TBC1D22B: variants seen among roughly 807,000 people sequenced by gnomAD.
The protein encoded by TBC1D22B is TBC1 domain family member 22B, also known as chromosome 6 open reading frame 197.
A neutral mutation model predicts 69.1 loss-of-function variants in TBC1D22B; 32 were observed. The observed-to-expected ratio is 0.46, with a 90% CI of 0.35 to 0.62. TBC1D22B has a LOEUF of 0.62. Ranked by LOEUF, TBC1D22B falls within the 20% of genes least tolerant of loss-of-function variation. The probability of loss-of-function intolerance (pLI) is 0.00; values close to 1 mark genes in which losing one functional copy is unlikely to be tolerated. For synonymous variants in TBC1D22B, 206 were observed against 229.8 expected, an observed-to-expected ratio of 0.90 and a Z score of 0.94; for missense variants, 462 against 630.9, an observed-to-expected ratio of 0.73 and a Z score of 2.87.
chr6:37,321,903 C>T (rs1768255641), intron 12 of TBC1D22B, among the ~76,000 whole-genome samples: 1 of 152,120 alleles, frequency 6.6e-6, no homozygotes, highest in Non-Finnish European at 1.5e-5. Flanking sequence ...TGGGTGTGTA[C>T]TTATGTAAAA....
chr6:37,326,376 C>CAA (rs10651731), intron 12 of TBC1D22B, among the ~76,000 whole-genome samples: 68,082 of 115,396 alleles, frequency 0.59, 19,260 homozygotes, highest in East Asian at 0.76. Flanking sequence ...GACTGCGCCT[C>CAA]AAAAAAAAAA....
At chr6:37,277,557 C>A (rs1766704732) in intron 2 of TBC1D22B, among the ~76,000 whole-genome samples, 1 of 151,398 alleles carries the variant, frequency 6.6e-6, no homozygotes, top group East Asian at 2.0e-4. Context: ...CTTCCACCTC[C>A]CAGGTTTAAG....
At chr6:37,258,974 A>G in intron 1 of TBC1D22B, among the ~76,000 whole-genome samples, 2 of 146,188 alleles carry the variant, frequency 1.4e-5, no homozygotes, top group South Asian at 2.2e-4. Context: ...TTTTTAAGCG[A>G]GAGAGAGATG....
At chr6:37,264,153 T>G (rs1036858821) in intron 1 of TBC1D22B, among the ~76,000 whole-genome samples, 1 of 152,178 alleles carries the variant, frequency 6.6e-6, no homozygotes, top group Non-Finnish European at 1.5e-5. Flanking sequence ...CAGTGTGATG[T>G]TATTTATATA....
chr6:37,271,572 A>T lies in TBC1D22B; in HGVS notation c.113+1922A>T, dbSNP rs935062144. On this transcript the variant is annotated intron_variant, in intron 2 of 12. Coordinates refer to ENST00000373491, the MANE Select transcript of TBC1D22B (RefSeq NM_017772.4). Reference sequence around the variant, plus strand: ...TACCTTCCTCTGGATTTTGCTGTGAACCTAAAACTATTCTAAATATATAAA... The same window carrying T: ...TACCTTCCTCTGGATTTTGCTGTGATCCTAAAACTATTCTAAATATATAAA... Among the ~76,000 whole-genome samples the T allele has an allele frequency of 4.6e-5, 7 of 152,292 alleles. No individual in the cohort carries two copies. In the East Asian group the frequency reaches 7.7e-4, roughly 17 times the overall value.
intron 6 of TBC1D22B, among the ~76,000 whole-genome samples, chr6:37,285,781 C>T (rs1487406019): frequency 1.3e-5 from 2 of 152,160 alleles, no homozygotes; most frequent in East Asian, 1.9e-4. Flanking sequence ...GTATGAGCCA[C>T]CATGTAATTT....
At chr6:37,310,176 ATATG>A (rs1767859959) in intron 8 of TBC1D22B, among the ~76,000 whole-genome samples, 2 of 147,578 alleles carry the variant, frequency 1.4e-5, no homozygotes, top group Admixed American at 6.8e-5. Context: ...ATATTTTAAA[ATATG>A]TATGTATACT....
intron 6 of TBC1D22B, among the ~76,000 whole-genome samples, chr6:37,286,262 G>T (rs1211637590): frequency 6.6e-6 from 1 of 151,914 alleles, no homozygotes; most frequent in African/African-American, 2.4e-5. Context: ...TTTTTTTCCT[G>T]TGTCAGTCAC....
intron 1 of TBC1D22B, among the ~76,000 whole-genome samples, chr6:37,267,324 ACACACACACATATAT>A: frequency 9.3e-6 from 1 of 108,012 alleles, no homozygotes; most frequent in African/African-American, 3.5e-5. Context: ...ATATATATAT[ACACACACACATATAT>A]AATATATATA....
intron 8 of TBC1D22B, among the ~76,000 whole-genome samples, chr6:37,293,016 GTC>G (rs1419737319): frequency 2.6e-5 from 4 of 150,980 alleles, no homozygotes; most frequent in Non-Finnish European, 5.9e-5. Flanking sequence ...TTCACTTTGT[GTC>G]TCTGTGTCAC....
At position 37,331,974 on chromosome 6, in the gene TBC1D22B, C is replaced by G. The variant is rs563967404; in HGVS notation, c.*802C>G. ...GACCCCTTTTCCATGATGACCCACT[C>G]CAAGATATTATGTGTAAATTGTGTT... On this transcript the variant is annotated 3_prime_UTR_variant, in exon 13 of 13. Transcript: ENST00000373491. 1 of 152,562 alleles carries G rather than the reference C, an allele frequency of 6.6e-6. No homozygotes were observed. The highest frequency in any genetic ancestry group is 2.1e-4 in the South Asian group (1 of 4,822). The allele number at this position is 152,562 out of a possible 1,614,324, so 9.5% of individuals were successfully genotyped here. A position where few individuals can be genotyped will look rare whatever the true frequency, so the allele number is the denominator to read the frequency against.
At chr6:37,288,440 A>G (rs60460682) in intron 7 of TBC1D22B, among the ~76,000 whole-genome samples, 4,851 of 152,270 alleles carry the variant, frequency 0.032, 243 homozygotes, top group African/African-American at 0.11. Flanking sequence ...GCCAGGCGTG[A>G]TGACTCACTC....
chr6:37,276,302 G>A (rs1029791472), intron 2 of TBC1D22B, among the ~76,000 whole-genome samples: 2 of 152,000 alleles, frequency 1.3e-5, no homozygotes, highest in African/African-American at 4.8e-5. Context: ...CACCAACCTT[G>A]TTTTGTCCTC....
At chr6:37,273,201 A>C (rs1583531410) in intron 2 of TBC1D22B, among the ~76,000 whole-genome samples, 1 of 151,712 alleles carries the variant, frequency 6.6e-6, no homozygotes, top group Non-Finnish European at 1.5e-5. Flanking sequence ...AAAAAAAAAA[A>C]AAAACGAGAA....
rs35849190 is a variant in TBC1D22B, at chr6:37,321,200, A to ATT, written c.1389+4005_1389+4006dup. On this transcript the variant is annotated intron_variant, in intron 12 of 12. Coordinates refer to ENST00000373491, the MANE Select transcript of TBC1D22B (RefSeq NM_017772.4). Reference sequence around the variant, plus strand: ...CAAATGGGGAAACTGTCATAGCAAGATTTTTTTTTTTTAAGTAACCAGGCC... The same window carrying ATT: ...CAAATGGGGAAACTGTCATAGCAAGATTTTTTTTTTTTTTAAGTAACCAGGCC... Among the ~76,000 whole-genome samples, 273 of 149,324 alleles carry ATT rather than the reference A, an allele frequency of 1.8e-3. 6 individuals carry two copies. In the East Asian group the frequency reaches 0.044, roughly 24 times the overall value.
Position 37,257,907 on chromosome 6 carries a change from C to G in TBC1D22B, c.-11C>G. 1.9e-6 allele frequency: 3 copies of G among 1,613,112 alleles called. No homozygotes were observed. The highest frequency in any genetic ancestry group is 2.5e-6 in the Non-Finnish European group (3 of 1,179,660). ...TTGGCCCGCCTACAAGGACTTCCCC[C>G]GGCCAGAGCAATGGCCGCTGAGAAC... On this transcript the variant is annotated 5_prime_UTR_variant, in exon 1 of 13. Coordinates refer to ENST00000373491, the MANE Select transcript of TBC1D22B (RefSeq NM_017772.4).
chr6:37,289,994 A>T (rs1233288140), intron 7 of TBC1D22B, among the ~76,000 whole-genome samples: 1 of 152,162 alleles, frequency 6.6e-6, no homozygotes, highest in African/African-American at 2.4e-5. Context: ...TTGACAGTGA[A>T]AGAAACCGTT....
chr6:37,303,660 G>A (rs117473098), intron 8 of TBC1D22B, among the ~76,000 whole-genome samples: 1 of 152,226 alleles, frequency 6.6e-6, no homozygotes, highest in East Asian at 1.9e-4. Context: ...GCATGTAAAG[G>A]CCCTGTGACC....
chr6:37,280,734 A>G (rs908967992), intron 3 of TBC1D22B, among the ~76,000 whole-genome samples: 16 of 152,206 alleles, frequency 1.1e-4, no homozygotes, highest in Non-Finnish European at 2.4e-4. Context: ...CTGTCTGTAA[A>G]TAGGTAATAT....
Sources: gnomAD v4.1 joint callset for allele counts (sites outside exome capture counted in the v4.1 genomes callset) on GRCh38, gnomAD v4.1.1 for gene constraint, MANE v1.5 for transcripts, NCBI Gene and HGNC (gene_info 2026-07-23, HGNC 2026-07-21) for gene names.